Variants in SULT2A1 observed in about 807,000 individuals in gnomAD.
SULT2A1 encodes the protein sulfotransferase 2A1.
Under a neutral mutation model 33.9 loss-of-function variants are expected in SULT2A1, and 43 were observed. The ratio of observed to expected loss-of-function variants is 1.27; its 90% CI spans 1.00 to 1.64. The LOEUF (loss-of-function observed/expected upper bound fraction) is 1.64, where lower values mean the gene tolerates loss of function less well. SULT2A1 is among the 40% of genes most tolerant of loss of function. The probability of loss-of-function intolerance (pLI) is 0.00; values close to 1 mark genes in which losing one functional copy is unlikely to be tolerated. For missense variants in SULT2A1, 300 were observed against 335.1 expected (o/e 0.90, Z 0.82); for synonymous variants, 125 against 113.6 (o/e 1.10, Z -0.64).
Position 47,879,755 on chromosome 19 carries a change from A to G in SULT2A1, c.473-625T>C, listed in dbSNP as rs576419047. Among the ~76,000 whole-genome samples, 9 of 129,800 alleles carry G rather than the reference A, an allele frequency of 6.9e-5. No homozygotes were observed. In the East Asian group the frequency reaches 2.0e-3, roughly 29 times the overall value. 85.2% of individuals were successfully genotyped at this position (129,800 alleles called of 152,430 possible). Reference sequence around the variant, plus strand: ...GAGAACACTTGGACACAGGGTGGGGAACATCACACACCGGGGCCTGTCATG... The same window carrying G: ...GAGAACACTTGGACACAGGGTGGGGGACATCACACACCGGGGCCTGTCATG... On this transcript the variant is annotated intron_variant, in intron 3 of 5. Transcript: ENST00000222002.
At chr19:47,874,625 G>T (rs759424676) in intron 5 of SULT2A1, 32 bp downstream of exon 5, 2 of 1,596,308 alleles carry the variant, frequency 1.3e-6, no homozygotes, top group Admixed American at 1.7e-5. Flanking sequence ...GTGTATTCTG[G>T]TATATTTGGA....
intron 3 of SULT2A1, 150 bp downstream of exon 3, chr19:47,881,934 G>A (rs1336739185): frequency 9.7e-6 from 9 of 930,374 alleles, no homozygotes; most frequent in Admixed American, 2.5e-5. Context: ...GCTGCTATGC[G>A]GGAGAGTAAG....
At chr19:47,879,360 C>G in intron 3 of SULT2A1, among the ~76,000 whole-genome samples, 1 of 152,184 alleles carries the variant, frequency 6.6e-6, no homozygotes, top group Admixed American at 6.5e-5. Flanking sequence ...TTTCACACTG[C>G]TGTGAAGAAC....
intron 3 of SULT2A1, among the ~76,000 whole-genome samples, chr19:47,880,522 T>C (rs1968593443): frequency 6.6e-6 from 1 of 151,784 alleles, no homozygotes; most frequent in Non-Finnish European, 1.5e-5. Context: ...GGTGAGAACA[T>C]TTAAGATGGT....
In SULT2A1 at chr19:47,871,407, A is replaced by T; in HGVS notation, c.*48T>A. ...CCCAGTCAGGTACATGTACAAGGAC[A>T]GGAGAATCAATGTCATTCTCCATAT... On this transcript the variant is annotated 3_prime_UTR_variant, in exon 6 of 6. Transcript: ENST00000222002. The T allele has an allele frequency of 2.2e-6, 3 of 1,343,614 alleles. No homozygotes were observed. Among genetic ancestry groups the T allele is most frequent in the Non-Finnish European group, 3.2e-6 (3 of 933,752 alleles). 83.2% of individuals were successfully genotyped at this position (1,343,614 alleles called of 1,614,324 possible). A position where few individuals can be genotyped will look rare whatever the true frequency, so the allele number is the denominator to read the frequency against.
chr19:47,883,917 C>T lies in SULT2A1; in HGVS notation c.137-132G>A, dbSNP rs542903503. ...GGTCAGGGGTTCCAGAATAGCCTGG[C>T]CAAGATGGTGAAACCCCGTCTCTAC... On this transcript the variant is annotated intron_variant, in intron 1 of 5. Transcript: ENST00000222002. The T allele has an allele frequency of 8.9e-6, 7 of 784,392 alleles. No individual in the cohort carries two copies. The East Asian group carries it at 1.9e-4, about 22-fold the overall frequency. The allele number at this position is 784,392 out of a possible 1,614,324, so 48.6% of individuals were successfully genotyped here.
Position 47,886,204 on chromosome 19 carries a change from G to T in SULT2A1, c.54C>A (p.Phe18Leu). 1 of 1,614,080 alleles carries T rather than the reference G, an allele frequency of 6.2e-7. No homozygotes were observed. ...GTACTTTTCTTAAGGTTTCGGATCT[G>T]AAACCCATAGTAGGGAAAGCTATGC... ...FEGIAFPTMG[F>L]RSETLRKVRD... The change falls in exon 1 of 6, where the codon TTC (phenylalanine) becomes TTA (leucine). Residue 18 changes from phenylalanine to leucine, a missense_variant. Coordinates refer to ENST00000222002, the MANE Select transcript of SULT2A1 (RefSeq NM_003167.4).
chr19:47,886,053 T>C, intron 1 of SULT2A1, 69 bp downstream of exon 1: 1 of 1,567,026 alleles, frequency 6.4e-7, no homozygotes, highest in Non-Finnish European at 8.7e-7. Flanking sequence ...AAGGAAGAAC[T>C]CCAATCATGC....
intron 5 of SULT2A1, among the ~76,000 whole-genome samples, chr19:47,872,861 C>T (rs1360703927): frequency 6.6e-6 from 1 of 150,488 alleles, no homozygotes; most frequent in Admixed American, 6.7e-5. Context: ...TGGGTTCAAG[C>T]GATTCTCATG....
chr19:47,871,850 T>C (rs920586598), intron 5 of SULT2A1, among the ~76,000 whole-genome samples: 2 of 152,182 alleles, frequency 1.3e-5, no homozygotes, highest in South Asian at 4.1e-4. Flanking sequence ...TTCTACCACG[T>C]TGACTCAAGC....
chr19:47,878,940 A>G, intron 4 of SULT2A1, 96 bp downstream of exon 4: 1 of 808,614 alleles, frequency 1.2e-6, no homozygotes, highest in Non-Finnish European at 2.2e-6. Context: ...TTTAACTGAG[A>G]GGGTGGAATG....
rs11569677 is a variant in SULT2A1, at chr19:47,871,389, A to G, written c.*66T>C. 2.9e-3 allele frequency: 3,336 copies of G among 1,149,950 alleles called. 12 individuals are homozygous for G. The highest frequency in any genetic ancestry group is 3.8e-3 in the Non-Finnish European group (2,901 of 759,648). 71.2% of individuals were successfully genotyped at this position (1,149,950 alleles called of 1,614,324 possible). A position where few individuals can be genotyped will look rare whatever the true frequency, so the allele number is the denominator to read the frequency against. On this transcript the variant is annotated 3_prime_UTR_variant, in exon 6 of 6. Coordinates refer to ENST00000222002, the MANE Select transcript of SULT2A1 (RefSeq NM_003167.4). ...TAAGTCTTACACAATGACCCCAGTC[A>G]GGTACATGTACAAGGACAGGAGAAT...
chr19:47,875,055 G>A (rs1968529972), intron 4 of SULT2A1, among the ~76,000 whole-genome samples: 1 of 149,606 alleles, frequency 6.7e-6, no homozygotes, highest in Non-Finnish European at 1.5e-5. Flanking sequence ...CCAGCTACTC[G>A]GGAGGTTGGG....
intron 4 of SULT2A1, among the ~76,000 whole-genome samples, chr19:47,875,867 T>A (rs963891904): frequency 6.6e-6 from 1 of 152,190 alleles, no homozygotes; most frequent in African/African-American, 2.4e-5. Flanking sequence ...TGATTTCAAA[T>A]CCTGGCTGTA....
intron 5 of SULT2A1, among the ~76,000 whole-genome samples, chr19:47,872,183 G>T (rs1375093062): frequency 2.6e-5 from 4 of 152,180 alleles, no homozygotes; most frequent in Non-Finnish European, 5.9e-5. Context: ...CTCCCAAAGT[G>T]CTGGGATTAC....
chr19:47,877,829 C>T (rs1161268281), intron 4 of SULT2A1, among the ~76,000 whole-genome samples: 3 of 152,264 alleles, frequency 2.0e-5, no homozygotes, highest in South Asian at 2.1e-4. Flanking sequence ...GGATTACAGG[C>T]GTGAGCCACT....
At chr19:47,884,749 C>T (rs923665423) in intron 1 of SULT2A1, among the ~76,000 whole-genome samples, 2 of 151,386 alleles carry the variant, frequency 1.3e-5, no homozygotes, top group Admixed American at 6.6e-5. Context: ...GCCTATCTTG[C>T]CCTCCCAAAG....
chr19:47,885,589 C>T (rs1600043571), intron 1 of SULT2A1, among the ~76,000 whole-genome samples: 1 of 152,126 alleles, frequency 6.6e-6, no homozygotes, highest in Non-Finnish European at 1.5e-5. Context: ...ATGCCACTTC[C>T]AATGTCTTCA....
chr19:47,881,758 G>C (rs1373854724), intron 3 of SULT2A1, among the ~76,000 whole-genome samples: 1 of 152,142 alleles, frequency 6.6e-6, no homozygotes, highest in Non-Finnish European at 1.5e-5. Flanking sequence ...GGAAGGTCAG[G>C]ATTGTGTTGT....
Sources: gnomAD v4.1 joint callset for allele counts (sites outside exome capture counted in the v4.1 genomes callset) on GRCh38, gnomAD v4.1.1 for gene constraint, MANE v1.5 for transcripts, NCBI Gene and HGNC (gene_info 2026-07-23, HGNC 2026-07-21) for gene names.